SH3GL2: variants seen among roughly 807,000 people sequenced by gnomAD.
SH3GL2 encodes SH3 domain containing GRB2 like 2, endophilin A1.
Under a neutral mutation model 46.0 loss-of-function variants are expected in SH3GL2, and 24 were observed. The ratio of observed to expected loss-of-function variants is 0.52; its 90% CI spans 0.38 to 0.73. The LOEUF is 0.73. SH3GL2 is among the 30% of genes least tolerant of loss of function. SH3GL2 has a pLI of 0.00. For synonymous variants in SH3GL2, 196 were observed against 147.1 expected, an observed-to-expected ratio of 1.33 and a Z score of -2.40; for missense variants, 413 against 424.2, an observed-to-expected ratio of 0.97 and a Z score of 0.23.
At chr9:17,738,066 T>G (rs997874826) in intron 1 of SH3GL2, among the ~76,000 whole-genome samples, 1 of 152,120 alleles carries the variant, frequency 6.6e-6, no homozygotes, top group African/African-American at 2.4e-5. Flanking sequence ...TTGAAATGAT[T>G]TGTTTATATA....
intron 1 of SH3GL2, among the ~76,000 whole-genome samples, chr9:17,627,469 G>A (rs1008136261): frequency 2.0e-4 from 31 of 152,050 alleles, no homozygotes; most frequent in African/African-American, 7.5e-4. Flanking sequence ...ATGGTGAAAA[G>A]TAACAGACGT....
intron 3 of SH3GL2, among the ~76,000 whole-genome samples, chr9:17,765,857 C>T (rs1823303473): frequency 6.6e-6 from 1 of 152,208 alleles, no homozygotes; most frequent in South Asian, 2.1e-4. Context: ...GCCCCCAGCT[C>T]AGTTCCAGGC....
In SH3GL2 at chr9:17,706,842, G is replaced by A. The variant is rs538113677; in HGVS notation, c.46-40224G>A. Among the ~76,000 whole-genome samples, 508 of 152,014 alleles carry A rather than the reference G, an allele frequency of 3.3e-3. 2 individuals carry two copies. Among genetic ancestry groups the A allele is most frequent in the Middle Eastern group, 0.01 (3 of 294 alleles). On this transcript the variant is annotated intron_variant, in intron 1 of 8. Transcript: ENST00000380607. ...TTAAAAAATGGAATCCTCTTCTCAC[G>A]TAGGAGAGTCAGGAGAGGCTAGAAA...
chr9:17,672,207 T>C (rs1008942266), intron 1 of SH3GL2, among the ~76,000 whole-genome samples: 1 of 152,202 alleles, frequency 6.6e-6, no homozygotes, highest in Non-Finnish European at 1.5e-5. Context: ...CATACAGATA[T>C]GTATGTAGTG....
At chr9:17,604,547 G>A (rs1818730351) in intron 1 of SH3GL2, among the ~76,000 whole-genome samples, 1 of 152,108 alleles carries the variant, frequency 6.6e-6, no homozygotes, top group East Asian at 1.9e-4. Context: ...GCAATTACTT[G>A]TTAGTTCTCT....
intron 2 of SH3GL2, among the ~76,000 whole-genome samples, chr9:17,757,843 A>G (rs1823044585): frequency 6.6e-6 from 1 of 152,192 alleles, no homozygotes. Context: ...GTACTTGGAT[A>G]TTACCAGCTT....
intron 1 of SH3GL2, among the ~76,000 whole-genome samples, chr9:17,723,732 G>C (rs7863646): frequency 0.049 from 7,510 of 151,924 alleles, 611 homozygotes; most frequent in African/African-American, 0.17. Context: ...ATGAAGACTT[G>C]CCTCCATTGA....
chr9:17,601,807 G>T (rs1333916738), intron 1 of SH3GL2, among the ~76,000 whole-genome samples: 8 of 152,108 alleles, frequency 5.3e-5, no homozygotes, highest in Admixed American at 3.9e-4. Context: ...CTTGGGGTAT[G>T]GTCACTGGGG....
At chr9:17,653,802 G>C in intron 1 of SH3GL2, 2 of 812,512 alleles carry the variant, frequency 2.5e-6, no homozygotes, top group Non-Finnish European at 3.0e-6. Flanking sequence ...GGCTGAATTG[G>C]GCTAGTCTTA....
At chr9:17,667,297 C>T (rs2117933754) in intron 1 of SH3GL2, among the ~76,000 whole-genome samples, 1 of 152,208 alleles carries the variant, frequency 6.6e-6, no homozygotes, top group South Asian at 2.1e-4. Context: ...TACAGCATCA[C>T]CACTAGAAAA....
At chr9:17,623,717 C>T (rs1819211704) in intron 1 of SH3GL2, among the ~76,000 whole-genome samples, 1 of 145,434 alleles carries the variant, frequency 6.9e-6, no homozygotes, top group African/African-American at 2.8e-5. Flanking sequence ...CACACACACA[C>T]ACACACACAC....
intron 1 of SH3GL2, among the ~76,000 whole-genome samples, chr9:17,726,191 A>C (rs1381257829): frequency 6.6e-6 from 1 of 152,122 alleles, no homozygotes. Context: ...CTAATCTCAC[A>C]CTGCTATTCC....
intron 1 of SH3GL2, among the ~76,000 whole-genome samples, chr9:17,614,816 C>T (rs1276706133): frequency 6.6e-6 from 1 of 152,134 alleles, no homozygotes; most frequent in African/African-American, 2.4e-5. Context: ...CTGCCATATT[C>T]TTTAAAGGGG....
intron 1 of SH3GL2, among the ~76,000 whole-genome samples, chr9:17,746,165 C>T (rs1033729995): frequency 3.0e-4 from 46 of 152,142 alleles, no homozygotes; most frequent in African/African-American, 9.9e-4. Context: ...GGCTCCGCCC[C>T]GCTGTGTTCA....
In SH3GL2 at chr9:17,614,295, G is replaced by GGAA. The variant is rs762920242; in HGVS notation, c.45+35008_45+35009insGAA. Among the ~76,000 whole-genome samples the GGAA allele has an allele frequency of 5.3e-4, 37 of 70,300 alleles. 2 individuals are homozygous for GGAA. The highest frequency in any genetic ancestry group is 1.4e-3 in the African/African-American group (25 of 17,370). 46.1% of individuals were successfully genotyped at this position (70,300 alleles called of 152,430 possible). On this transcript the variant is annotated intron_variant, in intron 1 of 8. Coordinates refer to ENST00000380607, the MANE Select transcript of SH3GL2 (RefSeq NM_003026.5). ...GTGACAGGGAACATGCATGGTTTCT[G>GGAA]AAAAAAAAAAAAAAAAAAAAAAAAA...
chr9:17,784,317 C>A (rs757239945), intron 3 of SH3GL2, among the ~76,000 whole-genome samples: 2 of 152,112 alleles, frequency 1.3e-5, no homozygotes, highest in Non-Finnish European at 2.9e-5. Context: ...TACCTGGAGA[C>A]AGCCCTTAAT....
chr9:17,660,074 G>C (rs992694344), intron 1 of SH3GL2, among the ~76,000 whole-genome samples: 2 of 152,192 alleles, frequency 1.3e-5, no homozygotes, highest in African/African-American at 4.8e-5. Flanking sequence ...TAGTGTCTTT[G>C]AGTTAGAGTT....
chr9:17,645,535 C>T (rs1303677669), intron 1 of SH3GL2, among the ~76,000 whole-genome samples: 1 of 152,050 alleles, frequency 6.6e-6, no homozygotes, highest in Non-Finnish European at 1.5e-5. Context: ...ATATTTAGTG[C>T]TTCCTTCAGG....
intron 1 of SH3GL2, among the ~76,000 whole-genome samples, chr9:17,628,235 C>T (rs10118229): frequency 0.031 from 4,783 of 152,248 alleles, 81 homozygotes; most frequent in African/African-American, 0.044. Context: ...CGTGGGCATT[C>T]ATGAAGTATC....
Sources: allele counts gnomAD v4.1 joint callset (sites outside exome capture counted in the v4.1 genomes callset), GRCh38; gene constraint gnomAD v4.1.1; transcripts MANE v1.5; gene names NCBI Gene and HGNC (gene_info 2026-07-23, HGNC 2026-07-21).